The following OPCML variants were observed in gnomAD, a reference collection of about 807,000 sequenced individuals.
OPCML encodes opioid binding protein/cell adhesion molecule like.
Under a neutral mutation model 37.8 loss-of-function variants are expected in OPCML, and 13 were observed. The observed-to-expected ratio is 0.34, with a 90% confidence interval of 0.22 to 0.55. The LOEUF (loss-of-function observed/expected upper bound fraction) is 0.55. Among genes scored for constraint, OPCML ranks in the 20% least tolerant of loss-of-function variants. The probability of loss-of-function intolerance (pLI) is 0.91; values close to 1 mark genes in which losing one functional copy is unlikely to be tolerated. For synonymous variants in OPCML, 176 were observed against 168.8 expected (o/e 1.04, Z -0.33); for missense variants, 341 against 435.6 (o/e 0.78, Z 1.93).
intron 2 of OPCML, among the ~76,000 whole-genome samples, chr11:132,685,315 T>C (rs1265352396): frequency 1.3e-5 from 2 of 152,226 alleles, no homozygotes; most frequent in Non-Finnish European, 2.9e-5. Flanking sequence ...CCCTTGCTTC[T>C]TCAAGAGACC....
At chr11:133,020,815 G>A (rs774052020) in intron 1 of OPCML, among the ~76,000 whole-genome samples, 1 of 152,058 alleles carries the variant, frequency 6.6e-6, no homozygotes, top group Non-Finnish European at 1.5e-5. Flanking sequence ...ATTTAGTTTG[G>A]TACACGCCAA....
At chr11:133,118,128 C>T (rs781434593) in intron 1 of OPCML, 3 of 754,072 alleles carry the variant, frequency 4.0e-6, no homozygotes, top group Non-Finnish European at 4.8e-6. Flanking sequence ...TCAGGTGAAA[C>T]TTCTGGACTG....
intron 2 of OPCML, among the ~76,000 whole-genome samples, chr11:132,742,063 T>C (rs915582242): frequency 7.9e-5 from 12 of 151,944 alleles, no homozygotes; most frequent in Non-Finnish European, 1.3e-4. Context: ...AATAAAAGCA[T>C]TTTCATAATT....
rs1023848953 is a variant in OPCML, at chr11:133,339,751, G to C, written c.61+192513C>G. Reference sequence around the variant, plus strand: ...TGTGTGCTGGGCTCCTGTTGTTCTAGGTCCATGACCTACCTTGTTATGAAA... The same window carrying C: ...TGTGTGCTGGGCTCCTGTTGTTCTACGTCCATGACCTACCTTGTTATGAAA... On this transcript the variant is annotated intron_variant, in intron 1 of 7. Transcript: ENST00000524381. Among the ~76,000 whole-genome samples, 3 of 152,120 alleles carry C rather than the reference G, an allele frequency of 2.0e-5. No homozygotes were observed. The East Asian group carries it at 5.8e-4, about 29-fold the overall frequency.
chr11:132,942,757 G>A (rs1029886424), intron 2 of OPCML, among the ~76,000 whole-genome samples, 169 bp downstream of exon 2: 1 of 152,216 alleles, frequency 6.6e-6, no homozygotes, highest in African/African-American at 2.4e-5. Flanking sequence ...GGACAAACCT[G>A]TCCAGGGGCA....
chr11:132,797,013 C>T (rs1938364522), intron 2 of OPCML, among the ~76,000 whole-genome samples: 1 of 152,148 alleles, frequency 6.6e-6, no homozygotes, highest in Admixed American at 6.5e-5. Flanking sequence ...ATAAAAATCT[C>T]TTAACAAATA....
chr11:133,054,443 A>G (rs11223341), intron 1 of OPCML, among the ~76,000 whole-genome samples: 46,396 of 152,042 alleles, frequency 0.31, 7,777 homozygotes, highest in South Asian at 0.43. Context: ...CAGAAGTGCC[A>G]CACTGGAACC....
chr11:133,399,580 G>A (rs993591531), intron 1 of OPCML, among the ~76,000 whole-genome samples: 6 of 152,058 alleles, frequency 3.9e-5, no homozygotes, highest in African/African-American at 1.4e-4. Context: ...AGGACAGTGG[G>A]CATTCAGCGA....
intron 1 of OPCML, among the ~76,000 whole-genome samples, chr11:133,025,726 A>ATTTTTTTTTTTTTTTTTTTTTT (rs869296316): frequency 1.1e-5 from 1 of 91,342 alleles, no homozygotes; most frequent in Non-Finnish European, 2.0e-5. Context: ...TGCCGATTTG[A>ATTTTTTTTTTTTTTTTTTTTTT]TTTTTTTTTT....
chr11:133,036,625 C>A (rs1947788706), intron 1 of OPCML, among the ~76,000 whole-genome samples: 1 of 152,110 alleles, frequency 6.6e-6, no homozygotes, highest in African/African-American at 2.4e-5. Context: ...GGAATGCAAC[C>A]TAATGTATTC....
At position 133,212,176 on chromosome 11, in the gene OPCML, T is replaced by C. The variant is rs1251294510; in HGVS notation, c.62-269166A>G. ...ACCACCACCAATCACAACATCATAA[T>C]GACCAATCAATCAACCAAACCAGCA... On this transcript the variant is annotated intron_variant, in intron 1 of 7. Transcript: ENST00000524381. This position sits in a 1 kb window ranked among gnomAD's most constrained non-coding sequence, Gnocchi z 4.9. Among the ~76,000 whole-genome samples the C allele has an allele frequency of 6.6e-6, 1 of 152,112 alleles. No homozygotes were observed. Among genetic ancestry groups the C allele is most frequent in the Non-Finnish European group, 1.5e-5 (1 of 68,034 alleles).
At chr11:132,884,481 G>C (rs912035808) in intron 2 of OPCML, among the ~76,000 whole-genome samples, 1 of 152,162 alleles carries the variant, frequency 6.6e-6, no homozygotes, top group Non-Finnish European at 1.5e-5. Context: ...AAGATTGCTT[G>C]GGGTTTCTTT....
At chr11:132,655,288 G>A (rs916333853) in intron 3 of OPCML, among the ~76,000 whole-genome samples, 3 of 152,176 alleles carry the variant, frequency 2.0e-5, no homozygotes, top group Admixed American at 1.3e-4. Flanking sequence ...TTCCGATGCC[G>A]AGAATGTCAG....
intron 2 of OPCML, among the ~76,000 whole-genome samples, chr11:132,915,410 G>A (rs2136558680): frequency 6.6e-6 from 1 of 152,282 alleles, no homozygotes; most frequent in Middle Eastern, 3.4e-3. Flanking sequence ...CTCAGCCTGT[G>A]CAACCATTTA....
At chr11:133,233,977 T>A (rs1940403441) in intron 1 of OPCML, among the ~76,000 whole-genome samples, 1 of 152,130 alleles carries the variant, frequency 6.6e-6, no homozygotes, top group Non-Finnish European at 1.5e-5. Flanking sequence ...TCTAACTTGC[T>A]CACTGTTCCA....
chr11:132,526,850 T>A (rs4937708), intron 4 of OPCML, among the ~76,000 whole-genome samples: 52,652 of 151,908 alleles, frequency 0.35, 9,343 homozygotes, highest in Middle Eastern at 0.43. Context: ...TTTTCCAACA[T>A]CCCCCAGAAT....
At chr11:132,657,550 T>C (rs1166859546) in intron 2 of OPCML, 1 of 453,674 alleles carries the variant, frequency 2.2e-6, no homozygotes, top group Non-Finnish European at 2.9e-6. Context: ...CTTCGAGACA[T>C]ATTATGTATC....
At chr11:133,414,425 C>T (rs1945716842) in intron 1 of OPCML, among the ~76,000 whole-genome samples, 1 of 152,136 alleles carries the variant, frequency 6.6e-6, no homozygotes, top group African/African-American at 2.4e-5. Flanking sequence ...TAACCCACGC[C>T]ACAGCCTCGC....
intron 2 of OPCML, among the ~76,000 whole-genome samples, chr11:132,881,615 T>TAAAAAA (rs1555202574): frequency 1.0e-4 from 11 of 110,372 alleles, no homozygotes; most frequent in Middle Eastern, 4.8e-3. Context: ...ATCCCAAATT[T>TAAAAAA]AAAAAAATAA....
Sources: gnomAD v4.1 joint callset for allele counts (sites outside exome capture counted in the v4.1 genomes callset) on GRCh38, gnomAD v4.1.1 for gene constraint, Gnocchi (gnomAD v3.1) non-coding constraint, MANE v1.5 for transcripts, NCBI Gene and HGNC (gene_info 2026-07-23, HGNC 2026-07-21) for gene names.